DOCK3: variants seen among roughly 807,000 people sequenced by gnomAD.
DOCK3 encodes the protein dedicator of cytokinesis 3.
A neutral mutation model predicts 265.6 loss-of-function variants in DOCK3; 60 were observed. That is an observed-to-expected ratio of 0.23 (90% confidence interval 0.18 to 0.28). The LOEUF (loss-of-function observed/expected upper bound fraction) is 0.28, where lower values mean the gene tolerates loss of function less well. DOCK3 is among the 10% of genes least tolerant of loss of function. The pLI, the probability that DOCK3 is intolerant of heterozygous loss-of-function variation, is 1.00. For missense variants in DOCK3, 1,981 were observed against 2,594.3 expected, an observed-to-expected ratio of 0.76 and a Z score of 5.14; for synonymous variants, 881 against 938.0, an observed-to-expected ratio of 0.94 and a Z score of 1.11.
intron 49 of DOCK3, 97 bp downstream of exon 49, chr3:51,362,771 CCT>C: frequency 6.7e-7 from 1 of 1,487,428 alleles, no homozygotes; most frequent in Non-Finnish European, 9.0e-7. Flanking sequence ...TTTGAGCAGC[CCT>C]GTGACTTAGA....
At position 51,357,072 on chromosome 3, in the gene DOCK3, C is replaced by A. The variant is rs1272364957; in HGVS notation, c.4614C>A (p.Asn1538Lys). Reference protein sequence around the residue: ...YQHKQVHGNINLLSMCLNGVI... With the variant: ...YQHKQVHGNIKLLSMCLNGVI... ...ACAAGCAGGTGCATGGCAACATTAA[C>A]CTGCTAAGCATGTGCCTGAATGGTG... Residue 1538 changes from asparagine to lysine, a missense_variant, in exon 44 of 53, where the codon AAC becomes AAA. Asn to Lys is a moderately conservative substitution (Grantham distance 94). This residue lies in a region of DOCK3 where 1,357 missense variants were observed against 1,866.8 expected (regional missense o/e 0.73). Transcript: ENST00000266037. The A allele has an allele frequency of 6.2e-7, 1 of 1,613,174 alleles. No individual in the cohort carries two copies. Among genetic ancestry groups the A allele is most frequent in the Non-Finnish European group, 8.5e-7 (1 of 1,179,894 alleles).
intron 5 of DOCK3, among the ~76,000 whole-genome samples, chr3:50,996,662 CTG>C (rs2078296536): frequency 6.6e-6 from 1 of 152,036 alleles, no homozygotes; most frequent in African/African-American, 2.4e-5. Flanking sequence ...GGGGGGAAAA[CTG>C]TGTAACGCTA....
At position 50,965,078 on chromosome 3, in the gene DOCK3, A is replaced by G. The variant is rs536598311; in HGVS notation, c.315+31001A>G. ...AAATGTTAAAGGAATTTCTTCAGGCAGAAGGAATCAATAAAAGTAATAGAG... is the reference window on the plus strand; with the variant it reads ...AAATGTTAAAGGAATTTCTTCAGGCGGAAGGAATCAATAAAAGTAATAGAG... On this transcript the variant is annotated intron_variant, in intron 5 of 52. Coordinates refer to ENST00000266037, the MANE Select transcript of DOCK3 (RefSeq NM_004947.5). 1.4e-3 allele frequency among the ~76,000 whole-genome samples: 213 copies of G among 152,260 alleles called. No homozygotes were observed. The Middle Eastern group carries it at 0.017, about 12-fold the overall frequency.
At chr3:50,774,275 A>G (rs1013416437) in intron 1 of DOCK3, among the ~76,000 whole-genome samples, 1 of 151,996 alleles carries the variant, frequency 6.6e-6, no homozygotes, top group Non-Finnish European at 1.5e-5. Flanking sequence ...TAGAATTTTG[A>G]TTGGGATTGC....
At chr3:51,354,361 C>T (rs915623762) in intron 40 of DOCK3, among the ~76,000 whole-genome samples, 6 of 152,104 alleles carry the variant, frequency 3.9e-5, no homozygotes, top group Non-Finnish European at 7.4e-5. Flanking sequence ...TGTGATGCCT[C>T]TCTCTTTCTT....
intron 3 of DOCK3, among the ~76,000 whole-genome samples, chr3:50,885,867 G>A (rs1201595650): frequency 1.3e-5 from 2 of 152,054 alleles, no homozygotes; most frequent in African/African-American, 4.8e-5. Context: ...GTGGGGATTA[G>A]GTCACAGTTT....
chr3:51,075,264 C>T, intron 6 of DOCK3, 92 bp from the exon 7 acceptor site: 1 of 1,004,506 alleles, frequency 1.0e-6, no homozygotes, highest in African/African-American at 1.6e-5. Flanking sequence ...CCTCTGTCCA[C>T]AAGATGTGGC....
At chr3:51,291,480 G>A (rs900573196) in intron 27 of DOCK3, among the ~76,000 whole-genome samples, 5 of 152,036 alleles carry the variant, frequency 3.3e-5, no homozygotes, top group Admixed American at 1.3e-4. Context: ...ATTATATGCC[G>A]GCAGATTGGA....
intron 12 of DOCK3, among the ~76,000 whole-genome samples, chr3:51,161,220 G>A (rs533863649): frequency 2.0e-4 from 31 of 151,946 alleles, no homozygotes; most frequent in Non-Finnish European, 2.9e-4. Context: ...CAAGGCAGGC[G>A]GATCACGAGG....
chr3:50,864,423 G>A (rs941737832), intron 3 of DOCK3, among the ~76,000 whole-genome samples: 3 of 151,880 alleles, frequency 2.0e-5, no homozygotes, highest in African/African-American at 7.3e-5. Flanking sequence ...TTGATTGTTT[G>A]CTTTGAAGAA....
chr3:50,916,182 A>G (rs1034803800), intron 4 of DOCK3, among the ~76,000 whole-genome samples: 9 of 152,012 alleles, frequency 5.9e-5, no homozygotes, highest in African/African-American at 1.7e-4. Context: ...TTAAGTTCCT[A>G]TGAGGACTGC....
At chr3:50,912,101 A>G (rs1000112048) in intron 4 of DOCK3, among the ~76,000 whole-genome samples, 9 of 152,058 alleles carry the variant, frequency 5.9e-5, no homozygotes, top group African/African-American at 2.2e-4. Context: ...ATATATGATC[A>G]TGTTGTTTTC....
chr3:50,970,981 T>A lies in DOCK3; in HGVS notation c.315+36904T>A, dbSNP rs868838956. On this transcript the variant is annotated intron_variant, in intron 5 of 52. Coordinates refer to ENST00000266037, the MANE Select transcript of DOCK3 (RefSeq NM_004947.5). The stretch of plus-strand genomic sequence containing the variant: ...GTGTGTGTGTGTATATATATATATT[T>A]TTTTTATTTTAATTTTTAATTTTTT... Among the ~76,000 whole-genome samples the A allele has an allele frequency of 5.3e-3, 536 of 100,208 alleles. 28 individuals are homozygous for A. The highest frequency in any genetic ancestry group is 0.016 in the African/African-American group (435 of 27,028). The allele number at this position is 100,208 out of a possible 152,430, so 65.7% of individuals were successfully genotyped here.
intron 9 of DOCK3, among the ~76,000 whole-genome samples, chr3:51,138,431 A>G (rs565417505): frequency 2.0e-5 from 3 of 152,342 alleles, no homozygotes; most frequent in South Asian, 2.1e-4. Flanking sequence ...AAAATTGTCA[A>G]AAAGGCCAGG....
intron 19 of DOCK3, among the ~76,000 whole-genome samples, chr3:51,232,094 C>G (rs148837986): frequency 6.6e-6 from 1 of 152,154 alleles, no homozygotes; most frequent in African/African-American, 2.4e-5. Context: ...CCAGCTATCT[C>G]AGCACCATTC....
chr3:51,100,027 G>C (rs1373699271), intron 9 of DOCK3, among the ~76,000 whole-genome samples: 2 of 116,122 alleles, frequency 1.7e-5, no homozygotes, highest in African/African-American at 7.1e-5. Context: ...ATTTACTTAA[G>C]GATAAATAAA....
chr3:51,326,999 T>A lies in DOCK3; in HGVS notation c.3403-3139T>A, dbSNP rs561155152. Among the ~76,000 whole-genome samples the A allele has an allele frequency of 8.6e-4, 131 of 152,296 alleles. No individual in the cohort carries two copies. In the Middle Eastern group the frequency reaches 0.017, roughly 20 times the overall value. On this transcript the variant is annotated intron_variant, in intron 32 of 52. Coordinates refer to ENST00000266037, the MANE Select transcript of DOCK3 (RefSeq NM_004947.5). ...CAAAAAACATTTATTCTCATTTTCTTAGGTAAATTTCTCAACCTGTAATCA... is the reference window on the plus strand; with the variant it reads ...CAAAAAACATTTATTCTCATTTTCTAAGGTAAATTTCTCAACCTGTAATCA...
intron 2 of DOCK3, among the ~76,000 whole-genome samples, chr3:50,791,378 C>T (rs907742089): frequency 6.7e-6 from 1 of 150,340 alleles, no homozygotes; most frequent in Non-Finnish European, 1.5e-5. Flanking sequence ...ATTCTCCTGC[C>T]TCAGCCTCCC....
At chr3:50,947,637 G>A (rs1478495243) in intron 5 of DOCK3, among the ~76,000 whole-genome samples, 1 of 152,036 alleles carries the variant, frequency 6.6e-6, no homozygotes, top group African/African-American at 2.4e-5. Flanking sequence ...ACTGAAACTT[G>A]TGTGGTTAGC....
Sources: allele counts gnomAD v4.1 joint callset (sites outside exome capture counted in the v4.1 genomes callset), GRCh38; gene constraint gnomAD v4.1.1; regional missense constraint gnomAD v4.1.1; transcripts MANE v1.5; gene names NCBI Gene and HGNC (gene_info 2026-07-23, HGNC 2026-07-21).